PHF11: variants seen among roughly 807,000 people sequenced by gnomAD.
PHF11 encodes PHD finger protein 11, also known as BRCA1 C-terminus-associated protein.
Under a neutral mutation model 40.5 loss-of-function variants are expected in PHF11, and 38 were observed. The observed-to-expected ratio is 0.94, with a 90% confidence interval of 0.72 to 1.23. The LOEUF is 1.23. PHF11 is among the 50% of genes most tolerant of loss of function. The probability of loss-of-function intolerance (pLI) is 0.00; values close to 1 mark genes in which losing one functional copy is unlikely to be tolerated. For synonymous variants in PHF11, 127 were observed against 138.2 expected (o/e 0.92, Z 0.57); for missense variants, 369 against 392.4 (o/e 0.94, Z 0.50).
At chr13:49,521,258 G>A in intron 5 of PHF11, 6 of 1,027,774 alleles carry the variant, frequency 5.8e-6, no homozygotes, top group Non-Finnish European at 7.0e-6. Flanking sequence ...AGAATTTTCA[G>A]TAGATAAAAT....
In PHF11 at chr13:49,496,006, C is replaced by T. The variant is rs562128052; in HGVS notation, c.5C>T (p.Ala2Val). 4 of 1,484,024 alleles carry T rather than the reference C, an allele frequency of 2.7e-6. No homozygotes were observed. In the African/African-American group the frequency reaches 4.5e-5, roughly 17 times the overall value. 91.9% of individuals were successfully genotyped at this position (1,484,024 alleles called of 1,614,324 possible). A position where few individuals can be genotyped will look rare whatever the true frequency, so the allele number is the denominator to read the frequency against. ...ACCCGCAGCTGCAGCACAGTCATGG[C>T]CCAGGCGTCGCCGCCCCGGCCCGAG... is the stretch of plus-strand genomic sequence containing the variant. M[A>V]QASPPRPERV... The change falls in exon 1 of 10, where the codon GCC becomes GTC. Residue 2 changes from alanine (A) to valine (V), a missense_variant. By Grantham distance (64) the Ala-to-Val change is moderately conservative. Coordinates refer to ENST00000378319, the MANE Select transcript of PHF11 (RefSeq NM_001040443.3).
At chr13:49,508,728 A>G (rs1959044538) in intron 2 of PHF11, among the ~76,000 whole-genome samples, 1 of 152,156 alleles carries the variant, frequency 6.6e-6, no homozygotes, top group South Asian at 2.1e-4. Context: ...TTAAATAAGA[A>G]CAATTTTATT....
At position 49,522,030 on chromosome 13, in the gene PHF11, T is replaced by C; in HGVS notation, c.506-13T>C. On this transcript the variant is annotated splice_polypyrimidine_tract_variant and intron_variant, in intron 5 of 9. Transcript: ENST00000378319. ...TTTATGGATTCCAATTTTTAAATGGTTTATATTTTTAGCTAAATTTTCAGG... is the reference window on the plus strand; with the variant it reads ...TTTATGGATTCCAATTTTTAAATGGCTTATATTTTTAGCTAAATTTTCAGG... The C allele has an allele frequency of 4.5e-6, 6 of 1,325,102 alleles. No individual in the cohort carries two copies. The highest frequency in any genetic ancestry group is 6.5e-6 in the Non-Finnish European group (6 of 918,830). The allele number at this position is 1,325,102 out of a possible 1,614,324, so 82.1% of individuals were successfully genotyped here. A position where few individuals can be genotyped will look rare whatever the true frequency, so the allele number is the denominator to read the frequency against.
chr13:49,521,684 A>T (rs1594219465), intron 5 of PHF11, among the ~76,000 whole-genome samples: 1 of 152,192 alleles, frequency 6.6e-6, no homozygotes, highest in African/African-American at 2.4e-5. Context: ...CATCCTTATT[A>T]GTCTGTTTTA....
Position 49,524,198 on chromosome 13 carries a change from GA to G in PHF11, c.752del (p.Glu251GlyfsTer26), listed in dbSNP as rs746056392. On this transcript the variant is annotated frameshift_variant, in exon 8 of 10. Coordinates refer to ENST00000378319, the MANE Select transcript of PHF11 (RefSeq NM_001040443.3). LOFTEE classifies it high-confidence loss of function. ...VHSIPEKLMD[E>X]TTSESDYEEI... is the part of the protein sequence containing the mutation. ...TTCAATTCCAGAAAAACTCATGGAT[GA>G]GACTACTTCAGAATCAGGTACTGAT... 1 of 1,608,808 alleles carries G rather than the reference GA, an allele frequency of 6.2e-7. No individual in the cohort carries two copies. The highest frequency in any genetic ancestry group is 1.1e-5 in the South Asian group (1 of 90,756).
intron 5 of PHF11, chr13:49,521,263 T>C: frequency 2.0e-6 from 2 of 1,021,516 alleles, no homozygotes; most frequent in Non-Finnish European, 2.3e-6. Context: ...TTTCAGTAGA[T>C]AAAATTTTAA....
At chr13:49,523,657 A>T (rs907597653) in intron 7 of PHF11, 1 of 226,744 alleles carries the variant, frequency 4.4e-6, no homozygotes, top group African/African-American at 2.4e-5. Flanking sequence ...GGTAATTTTT[A>T]AAAATCCTCT....
chr13:49,513,874 C>T (rs118032105), intron 3 of PHF11, among the ~76,000 whole-genome samples: 3,272 of 152,214 alleles, frequency 0.021, 54 homozygotes, highest in South Asian at 0.058. Context: ...TCAGCTGGTC[C>T]CATTGTGGTC....
intron 9 of PHF11, 59 bp from the exon 10 acceptor site, chr13:49,528,452 C>T (rs1959403513): frequency 2.5e-6 from 3 of 1,205,250 alleles, no homozygotes; most frequent in African/African-American, 1.5e-5. Flanking sequence ...AGAAATGGTA[C>T]ATTATTTCTA....
chr13:49,522,196 C>A, intron 6 of PHF11, 89 bp downstream of exon 6: 1 of 676,692 alleles, frequency 1.5e-6, no homozygotes, highest in South Asian at 1.9e-5. Flanking sequence ...AGGTACTTTC[C>A]AAATCGTCCA....
intron 1 of PHF11, among the ~76,000 whole-genome samples, chr13:49,498,729 C>A (rs1472441276): frequency 6.6e-6 from 1 of 152,094 alleles, no homozygotes; most frequent in Non-Finnish European, 1.5e-5. Context: ...GAGACAAGGA[C>A]AAGAGATCAC....
At chr13:49,509,376 C>T (rs9562888) in intron 2 of PHF11, among the ~76,000 whole-genome samples, 11,806 of 152,092 alleles carry the variant, frequency 0.078, 664 homozygotes, top group East Asian at 0.16. Context: ...CCACGCCCAG[C>T]TAATTTTTTG....
At chr13:49,517,827 G>A (rs1387980616) in intron 3 of PHF11, among the ~76,000 whole-genome samples, 191 bp from the exon 4 acceptor site, 1 of 152,126 alleles carries the variant, frequency 6.6e-6, no homozygotes, top group African/African-American at 2.4e-5. Flanking sequence ...CTGAGGTTTC[G>A]CTGAAATTCC....
chr13:49,526,853 CT>C (rs952551687), intron 9 of PHF11, among the ~76,000 whole-genome samples: 1 of 151,990 alleles, frequency 6.6e-6, no homozygotes, highest in Non-Finnish European at 1.5e-5. Flanking sequence ...ATATTTTGGC[CT>C]GTGTGTGGCC....
At chr13:49,525,285 T>C (rs962458484) in intron 8 of PHF11, among the ~76,000 whole-genome samples, 2 of 152,202 alleles carry the variant, frequency 1.3e-5, no homozygotes. Flanking sequence ...TCTCGCTCTC[T>C]CTCCCAGGCT....
At chr13:49,517,110 C>T (rs746920387) in intron 3 of PHF11, among the ~76,000 whole-genome samples, 61 of 152,116 alleles carry the variant, frequency 4.0e-4, no homozygotes, top group Non-Finnish European at 7.6e-4. Context: ...TAGCCAGTTA[C>T]CCTCCTCCCA....
At position 49,506,649 on chromosome 13, in the gene PHF11, G is replaced by T; in HGVS notation, c.109G>T (p.Ala37Ser). 6.2e-7 allele frequency: 1 copy of T among 1,613,134 alleles called. No individual in the cohort carries two copies. Among genetic ancestry groups the T allele is most frequent in the African/African-American group, 1.3e-5 (1 of 74,976 alleles). ...ATTACTTATAGGTGTCTTTCAGGTT[G>T]CAGAAAAGATGGAAAAAAGGACATG... Reference protein sequence around the residue: ...LLLPTGVFQVAEKMEKRTCAL... With the variant: ...LLLPTGVFQVSEKMEKRTCAL... Residue 37 changes from alanine (A) to serine (S), a missense_variant, in exon 2 of 10, where the codon GCA (alanine) becomes TCA (serine). Physicochemically the swap from Ala to Ser is moderately conservative, Grantham distance 99. Transcript: ENST00000378319.
rs1594226484 is a variant in PHF11, at chr13:49,526,406, T to A, written c.789T>A (p.Ser263Arg). ...CTCCAGACTATGAAGAAATCGGGAGTGCACTTTTTGACTGTAGATTGTTCG... is the reference window on the plus strand; with the variant it reads ...CTCCAGACTATGAAGAAATCGGGAGAGCACTTTTTGACTGTAGATTGTTCG... ...TSESDYEEIG[S>R]ALFDCRLFED... The change falls in exon 9 of 10, where the codon AGT becomes AGA. Residue 263 changes from serine to arginine, a missense_variant. Transcript: ENST00000378319. 6.2e-7 allele frequency: 1 copy of A among 1,610,132 alleles called. No individual in the cohort carries two copies. Among genetic ancestry groups the A allele is most frequent in the African/African-American group, 1.3e-5 (1 of 74,758 alleles).
At chr13:49,497,795 C>T (rs1215481529) in intron 1 of PHF11, among the ~76,000 whole-genome samples, 1 of 152,204 alleles carries the variant, frequency 6.6e-6, no homozygotes, top group Non-Finnish European at 1.5e-5. Flanking sequence ...GACTCTGCTA[C>T]CCTGCTACCT....
Sources: gnomAD v4.1 joint callset for allele counts (sites outside exome capture counted in the v4.1 genomes callset) on GRCh38, gnomAD v4.1.1 for gene constraint, MANE v1.5 for transcripts, NCBI Gene and HGNC (gene_info 2026-07-23, HGNC 2026-07-21) for gene names.